The following TFB1M variants were observed in gnomAD, a reference collection of about 807,000 sequenced individuals.
TFB1M encodes transcription factor B1, mitochondrial, also known as dimethyladenosine transferase 1, mitochondrial.
In TFB1M, 27 loss-of-function variants were observed where a neutral mutation model predicts 31.1. That is an observed-to-expected ratio of 0.87 (90% CI 0.64 to 1.20). TFB1M has a LOEUF of 1.20. TFB1M is among the 50% of genes most tolerant of loss of function. The pLI is 0.00. For missense variants in TFB1M, 394 were observed against 418.7 expected, an observed-to-expected ratio of 0.94 and a Z score of 0.51; for synonymous variants, 166 against 151.8, an observed-to-expected ratio of 1.09 and a Z score of -0.69.
chr6:155,270,729 T>G (rs1784879148), intron 5 of TFB1M, among the ~76,000 whole-genome samples: 1 of 152,176 alleles, frequency 6.6e-6, no homozygotes, highest in Admixed American at 6.5e-5. Context: ...TCAGTCAGCC[T>G]CACAAAGCTT....
chr6:155,248,176 A>C, the TFB1M span: 1 of 1,612,994 alleles, frequency 6.2e-7, no homozygotes, highest in South Asian at 1.1e-5. Context: ...CTACCACCTG[A>C]CGGGTGAGGC....
chr6:155,305,879 AAAC>A (rs1453959319), intron 2 of TFB1M, among the ~76,000 whole-genome samples: 5 of 148,878 alleles, frequency 3.4e-5, no homozygotes, highest in Non-Finnish European at 7.4e-5. Flanking sequence ...TGCACTTCAT[AAAC>A]ATGAAACTTC....
intron 5 of TFB1M, among the ~76,000 whole-genome samples, chr6:155,261,774 A>T: frequency 6.6e-6 from 1 of 151,780 alleles, no homozygotes; most frequent in South Asian, 2.1e-4. Context: ...TTTGGTGGTA[A>T]GGGGCGGTGT....
the TFB1M span, chr6:155,244,619 T>C: frequency 1.1e-5 from 18 of 1,606,228 alleles, no homozygotes; most frequent in Non-Finnish European, 1.4e-5. Flanking sequence ...CTGAACTTCA[T>C]GGCTAATCCC....
chr6:155,252,987 G>A, downstream of TFB1M: 1 of 1,614,108 alleles, frequency 6.2e-7, no homozygotes, highest in Admixed American at 1.7e-5. Flanking sequence ...TACTGACTTG[G>A]ACCCATTTAA....
chr6:155,263,419 T>A (rs1784480851), intron 5 of TFB1M, among the ~76,000 whole-genome samples: 1 of 152,180 alleles, frequency 6.6e-6, no homozygotes, highest in Non-Finnish European at 1.5e-5. Flanking sequence ...CCTACTAAAA[T>A]TTCAAATGAA....
chr6:155,305,628 TATATATATAA>T (rs1270634380), intron 2 of TFB1M, among the ~76,000 whole-genome samples: 1 of 41,034 alleles, frequency 2.4e-5, no homozygotes, highest in East Asian at 9.2e-4. Context: ...ATTATATATT[TATATATATAA>T]ATATATATTA....
At chr6:155,244,698 T>C in the TFB1M span, 2 of 1,614,132 alleles carry the variant, frequency 1.2e-6, no homozygotes, top group Non-Finnish European at 1.7e-6. Flanking sequence ...ATGCTTGAGT[T>C]TCAGAAGGTG....
At chr6:155,232,521 A>AT in the TFB1M span, 1 of 152,108 alleles carries the variant, frequency 6.6e-6, no homozygotes, top group South Asian at 2.1e-4. Context: ...TGTATTTTGT[A>AT]TTTTTTCTAG....
chr6:155,292,644 A>G (rs1776984954), intron 4 of TFB1M, among the ~76,000 whole-genome samples: 1 of 152,020 alleles, frequency 6.6e-6, no homozygotes, highest in Non-Finnish European at 1.5e-5. Flanking sequence ...ATACCACAAA[A>G]TCCAGCCCTC....
chr6:155,243,482 A>T, the TFB1M span, among the ~76,000 whole-genome samples: 2 of 152,226 alleles, frequency 1.3e-5, no homozygotes, highest in African/African-American at 4.8e-5. Flanking sequence ...TGTGGAATCC[A>T]GCTGTTGCCT....
At chr6:155,285,012 T>G (rs1179330419) in intron 5 of TFB1M, 146 bp downstream of exon 5, 2 of 1,017,316 alleles carry the variant, frequency 2.0e-6, no homozygotes, top group Non-Finnish European at 3.0e-6. Context: ...ATATTACGAT[T>G]TTTGTGGTTC....
At chr6:155,279,537 G>C (rs1293201729) in intron 5 of TFB1M, among the ~76,000 whole-genome samples, 1 of 152,162 alleles carries the variant, frequency 6.6e-6, no homozygotes, top group African/African-American at 2.4e-5. Context: ...AGGGTAGTTA[G>C]ACAGAAGTTC....
intron 5 of TFB1M, chr6:155,264,351 G>A (rs1784525825): frequency 6.6e-6 from 1 of 152,164 alleles, no homozygotes; most frequent in Admixed American, 6.5e-5. Flanking sequence ...AATTATGCAT[G>A]TCATAGAAAA....
At chr6:155,273,858 G>T (rs532805731) in intron 5 of TFB1M, among the ~76,000 whole-genome samples, 33 of 152,202 alleles carry the variant, frequency 2.2e-4, no homozygotes, top group African/African-American at 7.7e-4. Context: ...GTTTCTTTCA[G>T]CTCCAAGATT....
the TFB1M span, among the ~76,000 whole-genome samples, chr6:155,238,391 T>C: frequency 6.6e-6 from 1 of 152,196 alleles, no homozygotes; most frequent in East Asian, 1.9e-4. Flanking sequence ...TCCAAACTGT[T>C]CCAACCTCTG....
the TFB1M span, among the ~76,000 whole-genome samples, chr6:155,242,885 G>A: frequency 1.5e-3 from 228 of 147,222 alleles, no homozygotes; most frequent in African/African-American, 5.3e-3. Context: ...ACAGGCACCC[G>A]CCACCACACC....
intron 2 of TFB1M, among the ~76,000 whole-genome samples, chr6:155,307,235 G>A (rs1777821298): frequency 1.3e-5 from 2 of 151,968 alleles, no homozygotes; most frequent in Non-Finnish European, 2.9e-5. Flanking sequence ...AGCATCAACT[G>A]TATCTCAACA....
rs748160884 is a variant in TFB1M, at chr6:155,285,232, CAG to C, written c.590_591del (p.Ser197CysfsTer73). 44 of 1,613,926 alleles carry C rather than the reference CAG, an allele frequency of 2.7e-5. No homozygotes were observed. The highest frequency in any genetic ancestry group is 3.6e-5 in the Non-Finnish European group (42 of 1,179,936). ...NTGSKQRSRLSVMAQYLCNVR... is the reference protein window; with the variant it reads ...NTGSKQRSRLXVMAQYLCNVR... ...ACATTGCAGAGGTACTGAGCCATAA[CAG>C]AGAGGCGACTACGCTGTTTGCTTCC... is the stretch of plus-strand genomic sequence containing the variant. On this transcript the variant is annotated frameshift_variant, in exon 5 of 7. Coordinates refer to ENST00000367166, the MANE Select transcript of TFB1M (RefSeq NM_016020.4). LOFTEE classifies it high-confidence loss of function.
Sources: allele counts gnomAD v4.1 joint callset (sites outside exome capture counted in the v4.1 genomes callset), GRCh38; gene constraint gnomAD v4.1.1; transcripts MANE v1.5; gene names NCBI Gene and HGNC (gene_info 2026-07-23, HGNC 2026-07-21).